The following CNBD2 variants were observed in gnomAD, a reference collection of about 807,000 sequenced individuals.
The protein encoded by CNBD2 is cyclic nucleotide binding domain containing 2.
In CNBD2, 64 loss-of-function variants were observed where a neutral mutation model predicts 63.7. The ratio of observed to expected loss-of-function variants is 1.00; its 90% CI spans 0.82 to 1.24. The LOEUF is 1.24. CNBD2 is among the 50% of genes most tolerant of loss of function. The pLI is 0.00. For missense variants in CNBD2, 691 were observed against 713.5 expected (o/e 0.97, Z 0.36); for synonymous variants, 229 against 255.4 (o/e 0.90, Z 0.99).
intron 7 of CNBD2, among the ~76,000 whole-genome samples, chr20:35,988,232 T>A (rs1262345003): frequency 1.3e-5 from 2 of 151,944 alleles, no homozygotes; most frequent in East Asian, 3.9e-4. Flanking sequence ...AGTGACGAGA[T>A]CTTGGCTCAC....
chr20:35,977,682 C>G (rs1258337144), intron 3 of CNBD2, among the ~76,000 whole-genome samples: 2 of 151,900 alleles, frequency 1.3e-5, no homozygotes, highest in Non-Finnish European at 2.9e-5. Context: ...TGTCCCCCTG[C>G]CCCCAACCCA....
intron 11 of CNBD2, among the ~76,000 whole-genome samples, 160 bp from the exon 12 acceptor site, chr20:36,030,197 G>C (rs1014114142): frequency 1.3e-5 from 2 of 152,102 alleles, no homozygotes; most frequent in African/African-American, 4.8e-5. Flanking sequence ...AGGCCTAAGG[G>C]AAGAAAACTG....
At chr20:35,962,197 A>G (rs2056313973) in intron 2 of CNBD2, among the ~76,000 whole-genome samples, 1 of 151,518 alleles carries the variant, frequency 6.6e-6, no homozygotes, top group Admixed American at 6.6e-5. Flanking sequence ...AAAGGCTGGG[A>G]AGTTAATGCC....
In CNBD2 at chr20:35,968,650, G is replaced by T. The variant is rs531047886; in HGVS notation, c.-113G>T. The T allele has an allele frequency of 1.5e-4, 108 of 736,036 alleles. No individual in the cohort carries two copies. Among genetic ancestry groups the T allele is most frequent in the Non-Finnish European group, 2.3e-4 (99 of 431,738 alleles). The allele number at this position is 736,036 out of a possible 1,614,324, so 45.6% of individuals were successfully genotyped here. ...AGGAGTGGAGTGGAGCTCTTGCCTT[G>T]TTACTGAGGAAATCTATTTGTTTCT... is the stretch of plus-strand genomic sequence containing the variant. On this transcript the variant is annotated 5_prime_UTR_variant, in exon 1 of 12. Transcript: ENST00000373973.
chr20:35,997,313 G>T (rs1306097652), intron 8 of CNBD2, among the ~76,000 whole-genome samples: 1 of 152,106 alleles, frequency 6.6e-6, no homozygotes, highest in East Asian at 1.9e-4. Flanking sequence ...TATAGATATA[G>T]CAGTCCTCCT....
Position 35,975,929 on chromosome 20 carries a change from C to T in CNBD2, c.190-20C>T. 17 of 1,610,596 alleles carry T rather than the reference C, an allele frequency of 1.1e-5. No homozygotes were observed. The highest frequency in any genetic ancestry group is 5.5e-5 in the South Asian group (5 of 90,884). On this transcript the variant is annotated intron_variant, in intron 2 of 11. Coordinates refer to ENST00000373973, the MANE Select transcript of CNBD2 (RefSeq NM_001365709.1). Reference sequence around the variant, plus strand: ...CAGTCTTGCTGATTCTCCCTCTTCTCCCTGCCCTCTTTCTTTCAGAAAAAG... The same window carrying T: ...CAGTCTTGCTGATTCTCCCTCTTCTTCCTGCCCTCTTTCTTTCAGAAAAAG...
chr20:35,984,567 A>T (rs2056640982), intron 5 of CNBD2, 60 bp from the exon 6 acceptor site: 1 of 1,576,800 alleles, frequency 6.3e-7, no homozygotes, highest in Non-Finnish European at 8.7e-7. Context: ...GATGTGTGTA[A>T]GGCTGAGGAC....
chr20:36,007,778 T>C (rs746726832), intron 8 of CNBD2, among the ~76,000 whole-genome samples: 2 of 152,176 alleles, frequency 1.3e-5, no homozygotes, highest in Non-Finnish European at 2.9e-5. Flanking sequence ...TACTTTGATC[T>C]CCCAAAGTGC....
intron 9 of CNBD2, among the ~76,000 whole-genome samples, chr20:36,009,288 G>A (rs575165403): frequency 3.2e-4 from 48 of 151,130 alleles, no homozygotes; most frequent in Admixed American, 2.7e-3. Context: ...TGTAAGCTCC[G>A]CCTCCCGGGT....
At chr20:35,957,598 C>T (rs528188868), downstream of CNBD2, 27 of 152,298 alleles carry the variant, frequency 1.8e-4, no homozygotes, top group African/African-American at 6.5e-4. Context: ...TATAATGCCT[C>T]TTCTTCGAAA....
intron 8 of CNBD2, among the ~76,000 whole-genome samples, chr20:36,005,197 C>T (rs1187482407): frequency 6.6e-6 from 1 of 152,116 alleles, no homozygotes; most frequent in Non-Finnish European, 1.5e-5. Context: ...TTTTTGGCAC[C>T]AGAGGCTGGT....
chr20:36,010,356 G>A lies in CNBD2; in HGVS notation c.1149-781G>A, dbSNP rs2057041230. Among the ~76,000 whole-genome samples the A allele has an allele frequency of 2.6e-5, 4 of 151,538 alleles. No homozygotes were observed. The South Asian group carries it at 8.3e-4, about 32-fold the overall frequency. On this transcript the variant is annotated intron_variant, in intron 9 of 11. Coordinates refer to ENST00000373973, the MANE Select transcript of CNBD2 (RefSeq NM_001365709.1). ...CACCCTGTGACTTTTGAGACGTTAT[G>A]GATAATCCTTCTGAAGAATCTAGGT...
chr20:36,005,374 T>C (rs1307160148), intron 8 of CNBD2, among the ~76,000 whole-genome samples: 1 of 152,158 alleles, frequency 6.6e-6, no homozygotes, highest in Non-Finnish European at 1.5e-5. Context: ...ATGCCGCCAC[T>C]GATCTGACAG....
At position 35,984,682 on chromosome 20, in the gene CNBD2, A is replaced by T. The variant is rs758756805; in HGVS notation, c.620A>T (p.Glu207Val). ...AGGTCCACCATCGTCTGTATGGAAG[A>T]AACGGAGTTCCTGGTTGTTGACCGG... ...VRRSTIVCME[E>V]TEFLVVDRED... Residue 207 changes from glutamate to valine, a missense_variant, in exon 6 of 12, where the codon GAA (glutamate) becomes GTA (valine). Physicochemically the swap from Glu to Val is moderately radical, Grantham distance 121. Transcript: ENST00000373973. 1 of 1,614,226 alleles carries T rather than the reference A, an allele frequency of 6.2e-7. No homozygotes were observed. The highest frequency in any genetic ancestry group is 1.7e-5 in the Admixed American group (1 of 60,026).
intron 8 of CNBD2, among the ~76,000 whole-genome samples, chr20:36,007,913 C>T (rs572070211): frequency 1.5e-4 from 23 of 152,308 alleles, no homozygotes; most frequent in African/African-American, 5.5e-4. Flanking sequence ...TCTCTTATTG[C>T]TGACTCTGCC....
intron 10 of CNBD2, among the ~76,000 whole-genome samples, chr20:36,021,014 T>C (rs986107316): frequency 6.6e-6 from 1 of 152,166 alleles, no homozygotes; most frequent in Non-Finnish European, 1.5e-5. Flanking sequence ...CAGATCCCAC[T>C]TCACATCTCC....
At chr20:35,977,451 C>G (rs1461944917) in intron 3 of CNBD2, among the ~76,000 whole-genome samples, 3 of 152,172 alleles carry the variant, frequency 2.0e-5, no homozygotes, top group Non-Finnish European at 4.4e-5. Flanking sequence ...AGGAAGATTA[C>G]CTGAGCTCAG....
At chr20:35,963,632 C>CT (rs1286937732), upstream of CNBD2, among the ~76,000 whole-genome samples, 2 of 152,040 alleles carry the variant, frequency 1.3e-5, no homozygotes, top group African/African-American at 4.8e-5. Context: ...AAGAGAGACT[C>CT]TGTCTCAAAA....
chr20:35,965,165 TTC>T (rs921677932), upstream of CNBD2, among the ~76,000 whole-genome samples: 4 of 151,868 alleles, frequency 2.6e-5, no homozygotes, highest in Non-Finnish European at 4.4e-5. Flanking sequence ...AATAAGAATC[TTC>T]TCTCTCCCTC....
Sources: allele counts gnomAD v4.1 joint callset (sites outside exome capture counted in the v4.1 genomes callset), GRCh38; gene constraint gnomAD v4.1.1; transcripts MANE v1.5; gene names NCBI Gene and HGNC (gene_info 2026-07-23, HGNC 2026-07-21).